Variants in GALNT13 observed in about 807,000 individuals in gnomAD.
The protein encoded by GALNT13 is UDP-GalNAc:polypeptide N-acetylgalactosaminyltransferase 13.
Under a neutral mutation model 64.2 loss-of-function variants are expected in GALNT13, and 28 were observed. The ratio of observed to expected loss-of-function variants is 0.44; its 90% CI spans 0.32 to 0.60. The LOEUF is 0.60. Among genes scored for constraint, GALNT13 ranks in the 20% least tolerant of loss-of-function variants. The pLI is 0.05. For missense variants in GALNT13, 577 were observed against 669.8 expected, an observed-to-expected ratio of 0.86 and a Z score of 1.53; for synonymous variants, 214 against 224.6, an observed-to-expected ratio of 0.95 and a Z score of 0.42.
chr2:153,593,062 C>A, the GALNT13 span: 2 of 152,368 alleles, frequency 1.3e-5, no homozygotes, highest in African/African-American at 4.8e-5. Context: ...ACAATTTGAA[C>A]TGGGTGAGAA....
chr2:153,437,972 C>T, the GALNT13 span, among the ~76,000 whole-genome samples: 1 of 152,192 alleles, frequency 6.6e-6, no homozygotes, highest in African/African-American at 2.4e-5. Context: ...AGCGGTTGTT[C>T]CTTTCCATGT....
intron 9 of GALNT13, among the ~76,000 whole-genome samples, chr2:154,389,328 A>G (rs1240052621): frequency 6.6e-6 from 1 of 152,112 alleles, no homozygotes; most frequent in African/African-American, 2.4e-5. Flanking sequence ...TAGTAGAGAC[A>G]GGGTATCACC....
intron 4 of GALNT13, among the ~76,000 whole-genome samples, chr2:154,239,291 A>G (rs1045351301): frequency 4.6e-5 from 7 of 152,122 alleles, no homozygotes; most frequent in African/African-American, 1.7e-4. Flanking sequence ...CATACAAAAA[A>G]TGTTGATTGA....
At chr2:154,376,459 T>C in intron 9 of GALNT13, among the ~76,000 whole-genome samples, 1 of 152,120 alleles carries the variant, frequency 6.6e-6, no homozygotes, top group South Asian at 2.1e-4. Flanking sequence ...TTCCAGCAGA[T>C]AGATTTTTTA....
At chr2:153,208,973 C>CTTTTTTTTTTTTTT in the GALNT13 span, among the ~76,000 whole-genome samples, 34 of 74,680 alleles carry the variant, frequency 4.6e-4, 2 homozygotes, top group East Asian at 7.1e-4. Context: ...TGGTTTTGGT[C>CTTTTTTTTTTTTTT]TTTTTTTTTT....
the GALNT13 span, among the ~76,000 whole-genome samples, chr2:153,448,850 C>G: frequency 6.6e-6 from 1 of 152,100 alleles, no homozygotes; most frequent in Non-Finnish European, 1.5e-5. Context: ...AGCCCTAACC[C>G]TAAATATAAC....
the GALNT13 span, among the ~76,000 whole-genome samples, chr2:153,646,530 G>C: frequency 6.6e-6 from 1 of 151,752 alleles, no homozygotes; most frequent in East Asian, 1.9e-4. Context: ...TGTTAAATGT[G>C]TATACATGTG....
chr2:154,162,319 A>C (rs1019726205), intron 4 of GALNT13, among the ~76,000 whole-genome samples: 7 of 152,204 alleles, frequency 4.6e-5, no homozygotes, highest in African/African-American at 1.7e-4. Context: ...TAATTTTTTA[A>C]AAGTCACTGA....
At chr2:154,127,638 G>C (rs370370672) in intron 3 of GALNT13, among the ~76,000 whole-genome samples, 8 of 150,740 alleles carry the variant, frequency 5.3e-5, no homozygotes, top group Admixed American at 5.3e-4. Context: ...AGAAGTTTGG[G>C]TATGTGTGTG....
chr2:153,251,790 G>C, the GALNT13 span, among the ~76,000 whole-genome samples: 30 of 151,856 alleles, frequency 2.0e-4, no homozygotes, highest in Admixed American at 2.0e-3. Flanking sequence ...TCCCTACAAA[G>C]GACATGAACT....
At chr2:153,099,962 C>T in the GALNT13 span, among the ~76,000 whole-genome samples, 2 of 152,242 alleles carry the variant, frequency 1.3e-5, no homozygotes, top group African/African-American at 2.4e-5. Context: ...TGAGGAAACA[C>T]GTTTTTGTAA....
At chr2:154,226,047 G>A (rs947994265) in intron 4 of GALNT13, among the ~76,000 whole-genome samples, 23 of 152,070 alleles carry the variant, frequency 1.5e-4, no homozygotes, top group African/African-American at 4.8e-4. Context: ...TTTTGTGACT[G>A]GCTTTGGGGA....
At chr2:154,005,727 G>T (rs981371) in intron 3 of GALNT13, among the ~76,000 whole-genome samples, 4 of 151,636 alleles carry the variant, frequency 2.6e-5, no homozygotes, top group Non-Finnish European at 2.9e-5. Context: ...TTTTTTTTGT[G>T]GTTAAAATAA....
intron 4 of GALNT13, among the ~76,000 whole-genome samples, chr2:154,171,723 C>G (rs1460593433): frequency 5.9e-5 from 9 of 152,066 alleles, no homozygotes; most frequent in Non-Finnish European, 1.3e-4. Context: ...TAAAGTGTTT[C>G]TCAGCTTCAC....
intron 9 of GALNT13, among the ~76,000 whole-genome samples, chr2:154,350,822 G>A (rs1243662229): frequency 6.6e-6 from 1 of 152,132 alleles, no homozygotes; most frequent in African/African-American, 2.4e-5. Flanking sequence ...GAAGGCAGTG[G>A]GGACCAGGCA....
chr2:153,902,456 C>T (rs893408069), intron 2 of GALNT13, among the ~76,000 whole-genome samples: 5 of 152,086 alleles, frequency 3.3e-5, no homozygotes, highest in African/African-American at 1.2e-4. Flanking sequence ...AAAGAACTCT[C>T]AAGGAAACTT....
chr2:154,205,964 T>C (rs555802317), intron 4 of GALNT13, among the ~76,000 whole-genome samples: 1 of 152,060 alleles, frequency 6.6e-6, no homozygotes, highest in African/African-American at 2.4e-5. Flanking sequence ...CTGACATACA[T>C]GTTTTGAAAC....
intron 9 of GALNT13, among the ~76,000 whole-genome samples, chr2:154,304,788 A>G (rs531948355): frequency 6.6e-6 from 1 of 152,334 alleles, no homozygotes; most frequent in East Asian, 1.9e-4. Flanking sequence ...GTTTTATAAA[A>G]TGGATTTATT....
chr2:153,469,873 T>A, the GALNT13 span, among the ~76,000 whole-genome samples: 24 of 151,996 alleles, frequency 1.6e-4, no homozygotes, highest in Non-Finnish European at 3.1e-4. Flanking sequence ...TTTATTCTCA[T>A]GAGCAAAGAG....
Sources: allele counts gnomAD v4.1 joint callset (sites outside exome capture counted in the v4.1 genomes callset), GRCh38; gene constraint gnomAD v4.1.1; transcripts MANE v1.5; gene names NCBI Gene and HGNC (gene_info 2026-07-23, HGNC 2026-07-21).